The following NNT variants were observed in gnomAD, a reference collection of about 807,000 sequenced individuals.
NNT encodes NAD(P) transhydrogenase, mitochondrial.
A neutral mutation model predicts 104.8 loss-of-function variants in NNT; 50 were observed. The ratio of observed to expected loss-of-function variants is 0.48; its 90% CI spans 0.38 to 0.60. The LOEUF (loss-of-function observed/expected upper bound fraction) is 0.60. NNT is among the 20% of genes least tolerant of loss of function. The pLI, the probability that NNT is intolerant of heterozygous loss-of-function variation, is 0.00. For missense variants in NNT, 1,131 were observed against 1,330.7 expected (o/e 0.85, Z 2.33); for synonymous variants, 461 against 490.4 (o/e 0.94, Z 0.79).
intron 13 of NNT, among the ~76,000 whole-genome samples, chr5:43,652,245 G>A (rs1739807167): frequency 6.6e-6 from 1 of 152,116 alleles, no homozygotes; most frequent in Non-Finnish European, 1.5e-5. Context: ...TTATTATTAA[G>A]TACTATTAGT....
chr5:43,704,932 T>A lies in NNT; in HGVS notation c.*528T>A, dbSNP rs1243941582. On this transcript the variant is annotated 3_prime_UTR_variant, in exon 22 of 22. Coordinates refer to ENST00000344920, the MANE Select transcript of NNT (RefSeq NM_182977.3). Reference sequence around the variant, plus strand: ...TGAATTAATCATATCAAATCAGTTTTAATTTTTTAAATTGTACTTCAGAGT... The same window carrying A: ...TGAATTAATCATATCAAATCAGTTTAAATTTTTTAAATTGTACTTCAGAGT... 2 of 152,674 alleles carry A rather than the reference T, an allele frequency of 1.3e-5. No homozygotes were observed. The highest frequency in any genetic ancestry group is 2.9e-5 in the Non-Finnish European group (2 of 68,396). The allele number at this position is 152,674 out of a possible 1,614,324, so 9.5% of individuals were successfully genotyped here.
chr5:43,605,339 A>G (rs940598119), intron 1 of NNT, among the ~76,000 whole-genome samples: 1 of 150,348 alleles, frequency 6.7e-6, no homozygotes, highest in African/African-American at 2.5e-5. Flanking sequence ...ACAAGGTGAA[A>G]CCCCGTCTCT....
rs1750479455 is a variant in NNT at position 43,628,351 on chromosome 5, G to C, written c.928G>C (p.Glu310Gln). Reference sequence around the variant, plus strand: ...GAAACTCTTTGCTCAACAATGCAAGGAGGTAGACATCCTTATCAGCACAGC... The same window carrying C: ...GAAACTCTTTGCTCAACAATGCAAGCAGGTAGACATCCTTATCAGCACAGC... The part of the protein sequence containing the change: ...EMKLFAQQCK[E>Q]VDILISTALI... Residue 310 changes from glutamate to glutamine, a missense_variant, in exon 7 of 22, where the codon GAG becomes CAG. Physicochemically the swap from Glu to Gln is conservative, Grantham distance 29. Coordinates refer to ENST00000344920, the MANE Select transcript of NNT (RefSeq NM_182977.3). The C allele has an allele frequency of 1.2e-6, 2 of 1,613,326 alleles. No homozygotes were observed. The highest frequency in any genetic ancestry group is 1.3e-5 in the African/African-American group (1 of 74,806).
At position 43,696,696 on chromosome 5, in the gene NNT, G is replaced by A. The variant is rs574250801; in HGVS notation, c.2877-3423G>A. Among the ~76,000 whole-genome samples the A allele has an allele frequency of 1.5e-3, 229 of 152,318 alleles. 1 individual carries two copies. Among genetic ancestry groups the A allele is most frequent in the African/African-American group, 5.3e-3 (222 of 41,562 alleles). The stretch of plus-strand genomic sequence containing the variant: ...GTTTCTATGCATCTTCTGAAATCTA[G>A]GCAGAGGTTCCCAAACCTCAGTTCT... On this transcript the variant is annotated intron_variant, in intron 19 of 21. Transcript: ENST00000344920.
chr5:43,648,187 GA>G (rs758566538), intron 10 of NNT: 218 of 1,070,850 alleles, frequency 2.0e-4, no homozygotes, highest in Non-Finnish European at 2.5e-4. Flanking sequence ...ATGTGGGTAG[GA>G]AAATAAATTA....
At chr5:43,677,034 A>C (rs1561315436) in intron 18 of NNT, among the ~76,000 whole-genome samples, 1 of 152,144 alleles carries the variant, frequency 6.6e-6, no homozygotes, top group Non-Finnish European at 1.5e-5. Flanking sequence ...TTATACCTGT[A>C]ATAACATCAG....
At chr5:43,625,220 T>G (rs920595437) in intron 6 of NNT, among the ~76,000 whole-genome samples, 4 of 149,226 alleles carry the variant, frequency 2.7e-5, no homozygotes, top group Admixed American at 6.7e-5. Context: ...AAAATGGAAA[T>G]GTATGTATTT....
intron 4 of NNT, among the ~76,000 whole-genome samples, 192 bp from the exon 5 acceptor site, chr5:43,618,840 A>G (rs1349401478): frequency 6.6e-6 from 1 of 152,170 alleles, no homozygotes; most frequent in East Asian, 1.9e-4. Context: ...ACCTTTCCAT[A>G]GGCTTGTTGT....
At chr5:43,691,736 TTTTTA>T (rs1278880737) in intron 19 of NNT, among the ~76,000 whole-genome samples, 2 of 152,226 alleles carry the variant, frequency 1.3e-5, no homozygotes, top group African/African-American at 4.8e-5. Flanking sequence ...AATCTAAAAC[TTTTTA>T]TTTTAAGATA....
intron 3 of NNT, 55 bp from the exon 4 acceptor site, chr5:43,615,792 TA>T: frequency 7.4e-7 from 1 of 1,347,120 alleles, no homozygotes; most frequent in Non-Finnish European, 1.0e-6. Flanking sequence ...CCTGTTTGCT[TA>T]AAAATATGAT....
chr5:43,691,939 A>G (rs1742306619), intron 19 of NNT, among the ~76,000 whole-genome samples: 1 of 152,194 alleles, frequency 6.6e-6, no homozygotes, highest in Non-Finnish European at 1.5e-5. Context: ...GCATTAAAAT[A>G]CATATTAATA....
rs757601167 is a variant in NNT at position 43,603,212 on chromosome 5, G to A, written c.-136G>A. On this transcript the variant is annotated 5_prime_UTR_variant, in exon 1 of 22. Transcript: ENST00000344920. Reference sequence around the variant, plus strand: ...TTCCGGGTTGGAGGCGCAGCGCCGCGGGGCCCAAGCCCGGGTCTGCCAGCG... The same window carrying A: ...TTCCGGGTTGGAGGCGCAGCGCCGCAGGGCCCAAGCCCGGGTCTGCCAGCG... 1 of 152,892 alleles carries A rather than the reference G, an allele frequency of 6.5e-6. No individual in the cohort carries two copies. The highest frequency in any genetic ancestry group is 1.5e-5 in the Non-Finnish European group (1 of 68,616). 9.5% of individuals were successfully genotyped at this position (152,892 alleles called of 1,614,324 possible). A position where few individuals can be genotyped will look rare whatever the true frequency, so the allele number is the denominator to read the frequency against.
In NNT at chr5:43,609,149, G is replaced by T; in HGVS notation, c.-47G>T. Reference sequence around the variant, plus strand: ...CTATTTTCTTTTTTCTTAGTGATTTGCCTTCAAGGAAACTGGGGAGTCAGA... The same window carrying T: ...CTATTTTCTTTTTTCTTAGTGATTTTCCTTCAAGGAAACTGGGGAGTCAGA... On this transcript the variant is annotated 5_prime_UTR_variant, in exon 2 of 22. Coordinates refer to ENST00000344920, the MANE Select transcript of NNT (RefSeq NM_182977.3). The T allele has an allele frequency of 1.3e-6, 2 of 1,523,314 alleles. No individual in the cohort carries two copies. Among genetic ancestry groups the T allele is most frequent in the South Asian group, 2.5e-5 (2 of 80,974 alleles). The allele number at this position is 1,523,314 out of a possible 1,614,324, so 94.4% of individuals were successfully genotyped here. A position where few individuals can be genotyped will look rare whatever the true frequency, so the allele number is the denominator to read the frequency against.
At chr5:43,611,456 A>G (rs914745214) in intron 2 of NNT, among the ~76,000 whole-genome samples, 1 of 152,168 alleles carries the variant, frequency 6.6e-6, no homozygotes, top group African/African-American at 2.4e-5. Flanking sequence ...GAGCCTGACA[A>G]TTTGAGGTTG....
At chr5:43,605,055 T>A (rs1019216077) in intron 1 of NNT, among the ~76,000 whole-genome samples, 3 of 152,284 alleles carry the variant, frequency 2.0e-5, no homozygotes, top group African/African-American at 7.2e-5. Context: ...AGCCAATAAG[T>A]TGCAGAGTGG....
intron 19 of NNT, among the ~76,000 whole-genome samples, chr5:43,699,281 A>G (rs1344798841): frequency 6.6e-6 from 1 of 150,612 alleles, no homozygotes; most frequent in Middle Eastern, 3.2e-3. Flanking sequence ...GATGTGGAGT[A>G]GTATTTTATA....
chr5:43,649,804 G>A (rs3792921), intron 11 of NNT, among the ~76,000 whole-genome samples: 5,147 of 152,224 alleles, frequency 0.034, 137 homozygotes, highest in East Asian at 0.12. Flanking sequence ...CTTTGGTGCC[G>A]GTCTTTTCAG....
chr5:43,669,817 C>T (rs985554444), intron 17 of NNT, among the ~76,000 whole-genome samples: 1 of 152,058 alleles, frequency 6.6e-6, no homozygotes, highest in African/African-American at 2.4e-5. Flanking sequence ...GGGAGGATTC[C>T]CTCTTTTTCT....
Position 43,629,263 on chromosome 5 carries a change from T to C in NNT, c.964+876T>C, listed in dbSNP as rs1174464394. Among the ~76,000 whole-genome samples the C allele has an allele frequency of 2.6e-5, 4 of 152,222 alleles. No individual in the cohort carries two copies. The East Asian group carries it at 7.7e-4, about 29-fold the overall frequency. ...TCCTGAGTTACTTCACTTAGAATAA[T>C]GGTCTCTAACTCCATCCAAGTTTCT... is the stretch of plus-strand genomic sequence containing the variant. On this transcript the variant is annotated intron_variant, in intron 7 of 21. Coordinates refer to ENST00000344920, the MANE Select transcript of NNT (RefSeq NM_182977.3).
Sources: gnomAD v4.1 joint callset for allele counts (sites outside exome capture counted in the v4.1 genomes callset) on GRCh38, gnomAD v4.1.1 for gene constraint, MANE v1.5 for transcripts, NCBI Gene and HGNC (gene_info 2026-07-23, HGNC 2026-07-21) for gene names.